Variants in ASPH observed in about 807,000 individuals in gnomAD.
ASPH encodes the protein aspartyl/asparaginyl beta-hydroxylase.
ASPH carries 100 observed loss-of-function variants against 118.4 expected under a neutral mutation model. The ratio of observed to expected loss-of-function variants is 0.84; its 90% CI spans 0.72 to 1.00. ASPH has a LOEUF of 1.00. Among genes scored for constraint, ASPH ranks in the 50% least tolerant of loss-of-function variants. ASPH has a pLI of 0.00. For missense variants in ASPH, 920 were observed against 919.5 expected, an observed-to-expected ratio of 1.00 and a Z score of -0.01; for synonymous variants, 315 against 325.6, an observed-to-expected ratio of 0.97 and a Z score of 0.35.
intron 14 of ASPH, among the ~76,000 whole-genome samples, chr8:61,600,952 T>A (rs1194599142): frequency 6.6e-6 from 1 of 151,300 alleles, no homozygotes; most frequent in African/African-American, 2.5e-5. Context: ...CCTGCCTGTG[T>A]GAATATCAAA....
intron 19 of ASPH, among the ~76,000 whole-genome samples, chr8:61,553,626 CAGG>C (rs762671331): frequency 5.3e-5 from 8 of 150,870 alleles, no homozygotes; most frequent in Admixed American, 2.0e-4. Flanking sequence ...ACAAAACATA[CAGG>C]AGAATTAAAG....
intron 13 of ASPH, among the ~76,000 whole-genome samples, chr8:61,623,389 GTTA>G (rs1290326532): frequency 6.6e-6 from 1 of 152,080 alleles, no homozygotes; most frequent in Non-Finnish European, 1.5e-5. Context: ...TAAAAATCAG[GTTA>G]TTAGATTTTT....
chr8:61,550,477 AAG>A (rs36069979), intron 20 of ASPH, among the ~76,000 whole-genome samples: 114 of 147,070 alleles, frequency 7.8e-4, no homozygotes, highest in Middle Eastern at 3.7e-3. Flanking sequence ...ACATAAGAGA[AAG>A]AGAGAGAGAG....
chr8:61,653,100 CACAAAACAGGCT>C (rs1424552542), intron 4 of ASPH, among the ~76,000 whole-genome samples: 1 of 152,128 alleles, frequency 6.6e-6, no homozygotes, highest in Non-Finnish European at 1.5e-5. Context: ...CCCATGTGGA[CACAAAACAGGCT>C]CCATAGATGC....
chr8:61,680,047 C>A (rs1417812571), intron 3 of ASPH, among the ~76,000 whole-genome samples: 1 of 150,534 alleles, frequency 6.6e-6, no homozygotes, highest in African/African-American at 2.4e-5. Context: ...AACTTTATTT[C>A]ATAAGGAGGT....
chr8:61,573,297 T>C (rs533435022), intron 16 of ASPH, among the ~76,000 whole-genome samples: 1 of 152,286 alleles, frequency 6.6e-6, no homozygotes, highest in East Asian at 1.9e-4. Context: ...CCAAAGTAAT[T>C]TATAGATTAA....
intron 21 of ASPH, among the ~76,000 whole-genome samples, chr8:61,527,838 T>C (rs1341107181): frequency 1.3e-5 from 2 of 152,176 alleles, no homozygotes; most frequent in African/African-American, 2.4e-5. Flanking sequence ...GGTTGGCTTG[T>C]TGGTGCTAGG....
intron 16 of ASPH, among the ~76,000 whole-genome samples, chr8:61,573,085 C>G (rs949115017): frequency 6.6e-6 from 1 of 152,076 alleles, no homozygotes; most frequent in African/African-American, 2.4e-5. Context: ...AGCAGAGAGC[C>G]AAATCATGAG....
intron 15 of ASPH, among the ~76,000 whole-genome samples, chr8:61,577,642 T>A (rs557058465): frequency 8.5e-5 from 13 of 152,244 alleles, no homozygotes; most frequent in African/African-American, 3.1e-4. Flanking sequence ...CTTGCGATTG[T>A]GGCAGAAGGC....
chr8:61,553,729 T>A (rs1486128995), intron 19 of ASPH, among the ~76,000 whole-genome samples: 1 of 152,154 alleles, frequency 6.6e-6, no homozygotes, highest in Non-Finnish European at 1.5e-5. Context: ...ACACAAGGAC[T>A]GAAATTGAGA....
At position 61,609,752 on chromosome 8, in the gene ASPH, G is replaced by A. The variant is rs1846727156; in HGVS notation, c.976+9226C>T. On this transcript the variant is annotated intron_variant, in intron 14 of 24. Coordinates refer to ENST00000379454, the MANE Select transcript of ASPH (RefSeq NM_004318.4). ...TACCATTATATTAGAAGAATGAAAA[G>A]TGCTATGGGGAAGAGGTCTGCAGGG... 3.3e-5 allele frequency among the ~76,000 whole-genome samples: 5 copies of A among 152,140 alleles called. No individual in the cohort carries two copies. The South Asian group carries it at 1.0e-3, about 32-fold the overall frequency.
At chr8:61,584,907 C>T (rs751928645) in intron 14 of ASPH, among the ~76,000 whole-genome samples, 16 of 152,184 alleles carry the variant, frequency 1.1e-4, no homozygotes, top group South Asian at 4.1e-4. Context: ...TTCAAAACCA[C>T]GCTCCTTATA....
At chr8:61,676,043 A>G (rs1022374396) in intron 3 of ASPH, 2 of 1,597,212 alleles carry the variant, frequency 1.3e-6, no homozygotes, top group African/African-American at 1.3e-5. Flanking sequence ...TCAGGTGTTC[A>G]TTAGCCAATG....
chr8:61,547,924 A>G (rs1824512443), intron 21 of ASPH, 147 bp downstream of exon 21: 1 of 1,184,986 alleles, frequency 8.4e-7, no homozygotes, highest in South Asian at 1.7e-5. Flanking sequence ...TAATGAGATG[A>G]CAATTCTTTT....
intron 16 of ASPH, chr8:61,576,539 G>A (rs1460860474): frequency 7.0e-6 from 3 of 428,930 alleles, no homozygotes; most frequent in Non-Finnish European, 1.2e-5. Flanking sequence ...AAGTGTTACT[G>A]TTTATTTTCT....
At chr8:61,554,453 C>A (rs1350468125) in intron 19 of ASPH, among the ~76,000 whole-genome samples, 1 of 151,992 alleles carries the variant, frequency 6.6e-6, no homozygotes, top group Non-Finnish European at 1.5e-5. Flanking sequence ...AGAAAGAGAT[C>A]ATAAAAGTGG....
At chr8:61,598,069 A>G (rs568014962) in intron 14 of ASPH, among the ~76,000 whole-genome samples, 3 of 152,232 alleles carry the variant, frequency 2.0e-5, no homozygotes, top group Non-Finnish European at 4.4e-5. Flanking sequence ...AAAATATACA[A>G]CAACAACAAA....
At position 61,531,223 on chromosome 8, in the gene ASPH, G is replaced by A. The variant is rs576392297; in HGVS notation, c.1765-5111C>T. Among the ~76,000 whole-genome samples the A allele has an allele frequency of 2.0e-5, 3 of 152,186 alleles. No individual in the cohort carries two copies. The South Asian group carries it at 6.2e-4, about 32-fold the overall frequency. On this transcript the variant is annotated intron_variant, in intron 21 of 24. Coordinates refer to ENST00000379454, the MANE Select transcript of ASPH (RefSeq NM_004318.4). The stretch of plus-strand genomic sequence containing the variant: ...CCTTTTGCCAAAAACATTATAAATT[G>A]ATTACTTTCTTGCTTTTTCTCTTTT...
chr8:61,556,375 T>C (rs1827870455), intron 18 of ASPH, among the ~76,000 whole-genome samples: 1 of 152,210 alleles, frequency 6.6e-6, no homozygotes, highest in African/African-American at 2.4e-5. Flanking sequence ...CAAGGGAAAA[T>C]GGCTTTAAAT....
Sources: gnomAD v4.1 joint callset for allele counts (sites outside exome capture counted in the v4.1 genomes callset) on GRCh38, gnomAD v4.1.1 for gene constraint, MANE v1.5 for transcripts, NCBI Gene and HGNC (gene_info 2026-07-23, HGNC 2026-07-21) for gene names.